Variants in MAP3K4 observed in about 807,000 individuals in gnomAD.
MAP3K4 encodes MAP three kinase 1.
A neutral mutation model predicts 185.6 loss-of-function variants in MAP3K4; 67 were observed. That is an observed-to-expected ratio of 0.36 (90% CI 0.30 to 0.44). The LOEUF is 0.44. MAP3K4 is among the 20% of genes least tolerant of loss of function. The pLI, the probability that MAP3K4 is intolerant of heterozygous loss-of-function variation, is 1.00. For missense variants in MAP3K4, 1,551 were observed against 1,995.1 expected (o/e 0.78, Z 4.24); for synonymous variants, 702 against 710.4 (o/e 0.99, Z 0.19).
At chr6:161,081,805 T>G (rs189544960) in intron 6 of MAP3K4, among the ~76,000 whole-genome samples, 15 of 152,354 alleles carry the variant, frequency 9.8e-5, no homozygotes, top group African/African-American at 3.6e-4. Flanking sequence ...ATTCTGCTGC[T>G]GTCTTTTGGC....
chr6:161,107,232 C>G lies in MAP3K4; in HGVS notation c.4048+527C>G, dbSNP rs1778124628. On this transcript the variant is annotated intron_variant, in intron 20 of 26. Transcript: ENST00000392142. The surrounding 1 kb of genome is among the most constrained non-coding windows in gnomAD (Gnocchi z 6.2). ...GGGAAGAAGTCTTGTGTTTCAGATC[C>G]TTTCCCCACTTAAATATATTTATCT... is the stretch of plus-strand genomic sequence containing the variant. Among the ~76,000 whole-genome samples the G allele has an allele frequency of 6.6e-6, 1 of 152,230 alleles. No individual in the cohort carries two copies. The highest frequency in any genetic ancestry group is 1.5e-5 in the Non-Finnish European group (1 of 68,012).
At chr6:161,003,403 A>G (rs533950539) in intron 1 of MAP3K4, among the ~76,000 whole-genome samples, 4 of 152,258 alleles carry the variant, frequency 2.6e-5, no homozygotes, top group Non-Finnish European at 4.4e-5. Context: ...TAGTTCATTC[A>G]GTCCTGTGTA....
chr6:161,043,259 ACT>A lies in MAP3K4; in HGVS notation c.344-5354_344-5353del, dbSNP rs1368476637. ...ATATACAGGCTCAGTGTTCAGCCAC[ACT>A]CTTTTCTTTGCTGCCCTTGTGTCTC... On this transcript the variant is annotated intron_variant, in intron 2 of 26. Transcript: ENST00000392142. The surrounding 1 kb of genome is among the most constrained non-coding windows in gnomAD (Gnocchi z 4.3). Among the ~76,000 whole-genome samples the A allele has an allele frequency of 2.6e-5, 4 of 151,622 alleles. No homozygotes were observed. The highest frequency in any genetic ancestry group is 5.9e-5 in the Non-Finnish European group (4 of 67,894).
At chr6:161,041,922 T>C (rs1394092738) in intron 2 of MAP3K4, among the ~76,000 whole-genome samples, 5 of 64,434 alleles carry the variant, frequency 7.8e-5, no homozygotes, top group African/African-American at 1.2e-4. Context: ...CTTTTTTTTT[T>C]TTTCTTTTTT....
chr6:161,074,861 T>G lies in MAP3K4; in HGVS notation c.2097+1249T>G, dbSNP rs899852582. On this transcript the variant is annotated intron_variant, in intron 5 of 26. Transcript: ENST00000392142. The surrounding 1 kb of genome is among the most constrained non-coding windows in gnomAD (Gnocchi z 5.0). ...AAAAGGGGAAACAGACCTTACCAGC[T>G]AAGTCCAGACCTTTTTATCAGAGCA... Among the ~76,000 whole-genome samples the G allele has an allele frequency of 3.3e-5, 5 of 152,180 alleles. No homozygotes were observed. The highest frequency in any genetic ancestry group is 7.4e-5 in the Non-Finnish European group (5 of 68,026).
intron 1 of MAP3K4, among the ~76,000 whole-genome samples, chr6:161,025,556 C>A (rs776163325): frequency 2.0e-5 from 3 of 152,116 alleles, no homozygotes; most frequent in Non-Finnish European, 2.9e-5. Flanking sequence ...ATTTTGTAAT[C>A]CAAATTTTAA....
Position 161,073,609 on chromosome 6 carries a change from T to A in MAP3K4, c.2094T>A (p.Leu698=). 1 of 1,611,574 alleles carries A rather than the reference T, an allele frequency of 6.2e-7. No homozygotes were observed. The highest frequency in any genetic ancestry group is 1.7e-4 in the Middle Eastern group (1 of 6,018). ...TTGAAGAGGATCTACATAAAATGCT[T>A]ATGGTCAGAAGCAGTGGGGAGGAAT... The part of the protein sequence containing the change: ...DAFEEDLHKM[L]MVYFDYMRSW... The change falls in exon 5 of 27, where the codon CTT becomes CTA. Residue 698 remains leucine (L), a synonymous_variant. Coordinates refer to ENST00000392142, the MANE Select transcript of MAP3K4 (RefSeq NM_005922.4). The surrounding 1 kb of genome is among the most constrained non-coding windows in gnomAD (Gnocchi z 4.2).
At chr6:161,004,776 T>C (rs1369548939) in intron 1 of MAP3K4, among the ~76,000 whole-genome samples, 5 of 152,220 alleles carry the variant, frequency 3.3e-5, no homozygotes, top group Non-Finnish European at 7.3e-5. Flanking sequence ...AAGGAGAAAC[T>C]TGTTCCTTAA....
chr6:161,002,466 G>A (rs1038823501), intron 1 of MAP3K4, among the ~76,000 whole-genome samples: 2 of 151,292 alleles, frequency 1.3e-5, no homozygotes, highest in African/African-American at 4.9e-5. Flanking sequence ...CTTAATAAAA[G>A]TAACTTAATC....
At position 161,056,241 on chromosome 6, in the gene MAP3K4, C is replaced by T. The variant is rs1366303371; in HGVS notation, c.1707+6262C>T. 1.3e-5 allele frequency among the ~76,000 whole-genome samples: 2 copies of T among 152,264 alleles called. No individual in the cohort carries two copies. Among genetic ancestry groups the T allele is most frequent in the Middle Eastern group, 3.4e-3 (1 of 294 alleles). ...TCTGGGCTTGTCTTGTATTTTCCCTCGTTCTGTCCTAGGATCAGCCATTTC... is the reference window on the plus strand; with the variant it reads ...TCTGGGCTTGTCTTGTATTTTCCCTTGTTCTGTCCTAGGATCAGCCATTTC... On this transcript the variant is annotated intron_variant, in intron 3 of 26. Coordinates refer to ENST00000392142, the MANE Select transcript of MAP3K4 (RefSeq NM_005922.4). This position sits in a 1 kb window ranked among gnomAD's most constrained non-coding sequence, Gnocchi z 5.4.
rs975617675 is a variant in MAP3K4, at chr6:161,087,714, G to C, written c.2583G>C (p.Leu861Phe). 3.7e-6 allele frequency: 6 copies of C among 1,614,102 alleles called. No individual in the cohort carries two copies. The highest frequency in any genetic ancestry group is 5.1e-6 in the Non-Finnish European group (6 of 1,180,012). Residue 861 changes from leucine to phenylalanine, a missense_variant, in exon 10 of 27, where the codon TTG (leucine) becomes TTC (phenylalanine). Around this residue, in one of 16 missense-constraint regions of MAP3K4, gnomAD observed 261 missense variants for 306.5 expected, o/e 0.85. Transcript: ENST00000392142. This position sits in a 1 kb window ranked among gnomAD's most constrained non-coding sequence, Gnocchi z 4.9. ...VKVQIPGLEN[L>F]QMFVPDTLAE... ...TGCAAATTCCTGGGTTAGAAAACTT[G>C]CAAATGTTTGTTCCAGACACTCTTG...
At position 161,103,972 on chromosome 6, in the gene MAP3K4, T is replaced by C. The variant is rs1231362125; in HGVS notation, c.3856+1193T>C. On this transcript the variant is annotated intron_variant, in intron 19 of 26. Transcript: ENST00000392142. This position sits in a 1 kb window ranked among gnomAD's most constrained non-coding sequence, Gnocchi z 4.6. ...CTTGAGCCAGGTGACAGGAAGACAG[T>C]TTCTTCAGTGGCTCACATGTAATCA... 2.6e-5 allele frequency among the ~76,000 whole-genome samples: 4 copies of C among 152,244 alleles called. No homozygotes were observed. Among genetic ancestry groups the C allele is most frequent in the South Asian group, 2.1e-4 (1 of 4,816 alleles).
At position 161,053,916 on chromosome 6, in the gene MAP3K4, A is replaced by T. The variant is rs1784120648; in HGVS notation, c.1707+3937A>T. On this transcript the variant is annotated intron_variant, in intron 3 of 26. Coordinates refer to ENST00000392142, the MANE Select transcript of MAP3K4 (RefSeq NM_005922.4). This position sits in a 1 kb window ranked among gnomAD's most constrained non-coding sequence, Gnocchi z 4.2. ...GCTAGTGTTTTTGTTCTTAATTGTT[A>T]AAATATCTGAACTGACAAGGTACCA... Among the ~76,000 whole-genome samples the T allele has an allele frequency of 6.6e-6, 1 of 152,008 alleles. No homozygotes were observed. Among genetic ancestry groups the T allele is most frequent in the South Asian group, 2.1e-4 (1 of 4,824 alleles).
chr6:161,048,285 A>T lies in MAP3K4; in HGVS notation c.344-331A>T. The T allele has an allele frequency of 1.8e-6, 1 of 556,114 alleles. No individual in the cohort carries two copies. Among genetic ancestry groups the T allele is most frequent in the Admixed American group, 1.9e-5 (1 of 52,106 alleles). 34.4% of individuals were successfully genotyped at this position (556,114 alleles called of 1,614,324 possible). A position where few individuals can be genotyped will look rare whatever the true frequency, so the allele number is the denominator to read the frequency against. ...TCCCATGCTGTTTCTTCCTCCTTAA[A>T]TTGAAGGTGATTACTTACGGAAATT... On this transcript the variant is annotated intron_variant, in intron 2 of 26. Coordinates refer to ENST00000392142, the MANE Select transcript of MAP3K4 (RefSeq NM_005922.4). This position sits in a 1 kb window ranked among gnomAD's most constrained non-coding sequence, Gnocchi z 4.7.
Position 161,109,093 on chromosome 6 carries a change from A to G in MAP3K4, c.4236+234A>G, listed in dbSNP as rs148615514. ...CCGACATCATAAAGCACTGAAACCC[A>G]TCCTGCCATTCAGAAGATTCTTCTA... On this transcript the variant is annotated intron_variant, in intron 22 of 26. Transcript: ENST00000392142. The surrounding 1 kb of genome is among the most constrained non-coding windows in gnomAD (Gnocchi z 5.7). The G allele has an allele frequency of 0.01, 12,903 of 1,248,252 alleles. 103 individuals carry two copies. The highest frequency in any genetic ancestry group is 0.013 in the Non-Finnish European group (11,393 of 892,458). 77.3% of individuals were successfully genotyped at this position (1,248,252 alleles called of 1,614,324 possible). A position where few individuals can be genotyped will look rare whatever the true frequency, so the allele number is the denominator to read the frequency against.
At chr6:161,019,000 G>A (rs1782243282) in intron 1 of MAP3K4, among the ~76,000 whole-genome samples, 1 of 152,220 alleles carries the variant, frequency 6.6e-6, no homozygotes, top group Non-Finnish European at 1.5e-5. Flanking sequence ...AAAATGCAAT[G>A]CAGAGAGAAC....
rs145004605 is a variant in MAP3K4 at position 161,089,426 on chromosome 6, G to A, written c.2928G>A (p.Gln976=). ...IEGLMTLCQE[Q]TSSQPVIAKA... is the part of the protein sequence containing the mutation. ...GACTTATGACTCTGTGCCAGGAGCA[G>A]ACATCCAGTCAGCCGGTCATCGCCA... The change falls in exon 11 of 27, where the codon CAG becomes CAA. Residue 976 remains glutamine, a synonymous_variant. Coordinates refer to ENST00000392142, the MANE Select transcript of MAP3K4 (RefSeq NM_005922.4). 19 of 1,614,216 alleles carry A rather than the reference G, an allele frequency of 1.2e-5. No individual in the cohort carries two copies. The highest frequency in any genetic ancestry group is 5.5e-5 in the South Asian group (5 of 91,086).
chr6:161,022,979 A>G lies in MAP3K4; in HGVS notation c.153-11280A>G, dbSNP rs1782474220. On this transcript the variant is annotated intron_variant, in intron 1 of 26. Coordinates refer to ENST00000392142, the MANE Select transcript of MAP3K4 (RefSeq NM_005922.4). The surrounding 1 kb of genome is among the most constrained non-coding windows in gnomAD (Gnocchi z 4.2). ...TAACAAATTACAGAGCTGATTGAAA[A>G]CATAAACAAGTATAAATGTTTTATT... Among the ~76,000 whole-genome samples the G allele has an allele frequency of 6.6e-6, 1 of 152,202 alleles. No homozygotes were observed. Among genetic ancestry groups the G allele is most frequent in the African/African-American group, 2.4e-5 (1 of 41,442 alleles).
In MAP3K4 at chr6:161,034,297, C is replaced by G. The variant is rs746224218; in HGVS notation, c.191C>G (p.Pro64Arg). 1 of 1,613,808 alleles carries G rather than the reference C, an allele frequency of 6.2e-7. No homozygotes were observed. The highest frequency in any genetic ancestry group is 8.5e-7 in the Non-Finnish European group (1 of 1,179,790). The change falls in exon 2 of 27, where the codon CCT (proline) becomes CGT (arginine). Residue 64 changes from proline to arginine, a missense_variant. Coordinates refer to ENST00000392142, the MANE Select transcript of MAP3K4 (RefSeq NM_005922.4). This position sits in a 1 kb window ranked among gnomAD's most constrained non-coding sequence, Gnocchi z 4.4. ...GTLGDSACKS[P>R]ESDLEDFSDE... ...TTGGGAGATTCAGCTTGCAAGAGTC[C>G]TGAATCTGATCTAGAAGACTTCTCC...
Sources: allele counts gnomAD v4.1 joint callset (sites outside exome capture counted in the v4.1 genomes callset), GRCh38; gene constraint gnomAD v4.1.1; regional missense constraint gnomAD v4.1.1; non-coding constraint Gnocchi (gnomAD v3.1); transcripts MANE v1.5; gene names NCBI Gene and HGNC (gene_info 2026-07-23, HGNC 2026-07-21).